Variants in ZFHX3 observed in about 807,000 individuals in gnomAD.
ZFHX3 encodes zinc finger homeobox protein 3.
A neutral mutation model predicts 279.1 loss-of-function variants in ZFHX3; 42 were observed. That is an observed-to-expected ratio of 0.15 (90% confidence interval 0.12 to 0.19). ZFHX3 has a LOEUF of 0.19. Ranked by LOEUF, ZFHX3 falls within the 10% of genes least tolerant of loss-of-function variation. ZFHX3 has a pLI of 1.00. For synonymous variants in ZFHX3, 2,293 were observed against 1,957.8 expected (o/e 1.17, Z -4.52); for missense variants, 4,981 against 4,754.0 (o/e 1.05, Z -1.40).
intron 4 of ZFHX3, among the ~76,000 whole-genome samples, chr16:73,295,237 T>C (rs909460760): frequency 8.6e-5 from 13 of 151,820 alleles, no homozygotes; most frequent in Admixed American, 7.9e-4. Flanking sequence ...CAAACAAACA[T>C]CCACAGCCAC....
At chr16:73,842,962 T>C (rs1961351241) in intron 1 of ZFHX3, among the ~76,000 whole-genome samples, 1 of 152,226 alleles carries the variant, frequency 6.6e-6, no homozygotes, top group African/African-American at 2.4e-5. Context: ...CACTTTACGA[T>C]TTGTGAATCC....
chr16:73,298,310 G>T (rs1367819027), intron 4 of ZFHX3, among the ~76,000 whole-genome samples: 2 of 150,536 alleles, frequency 1.3e-5, no homozygotes, highest in East Asian at 3.9e-4. Flanking sequence ...TCAGCCTCCC[G>T]AGTAGCTGGG....
At chr16:73,396,239 G>T (rs1219846018) in intron 3 of ZFHX3, among the ~76,000 whole-genome samples, 1 of 152,214 alleles carries the variant, frequency 6.6e-6, no homozygotes, top group Non-Finnish European at 1.5e-5. Context: ...AGAGGACAGA[G>T]AATTAGGTCA....
At chr16:73,348,223 G>A (rs900273033) in intron 3 of ZFHX3, among the ~76,000 whole-genome samples, 16 of 152,014 alleles carry the variant, frequency 1.1e-4, no homozygotes, top group Admixed American at 8.5e-4. Flanking sequence ...AATTACATCC[G>A]AAGCACTCGG....
chr16:73,094,252 C>A (rs548832239), intron 7 of ZFHX3, among the ~76,000 whole-genome samples: 1 of 152,274 alleles, frequency 6.6e-6, no homozygotes, highest in East Asian at 1.9e-4. Context: ...TGGAAGTTCA[C>A]CCAATTAATT....
At chr16:72,937,422 C>A (rs1477003393) in intron 3 of ZFHX3, among the ~76,000 whole-genome samples, 7 of 152,190 alleles carry the variant, frequency 4.6e-5, no homozygotes, top group Admixed American at 3.3e-4. Flanking sequence ...TAGGACACAG[C>A]CGACAGAGTC....
chr16:73,101,118 G>C (rs1966225772), intron 7 of ZFHX3, among the ~76,000 whole-genome samples: 1 of 151,938 alleles, frequency 6.6e-6, no homozygotes, highest in African/African-American at 2.4e-5. Context: ...CTTCTTCTTG[G>C]ACAATCTGAT....
intron 1 of ZFHX3, among the ~76,000 whole-genome samples, chr16:73,750,175 A>G (rs973864874): frequency 1.3e-5 from 2 of 152,218 alleles, no homozygotes; most frequent in Non-Finnish European, 2.9e-5. Context: ...AGGTTTGGTA[A>G]GTTGCATTTG....
chr16:73,680,168 G>A (rs1439867781), intron 2 of ZFHX3: 1 of 151,994 alleles, frequency 6.6e-6, no homozygotes, highest in East Asian at 1.9e-4. Flanking sequence ...AAATTGGAAC[G>A]CTTCTACATA....
intron 2 of ZFHX3, among the ~76,000 whole-genome samples, chr16:73,485,444 A>G (rs2018957355): frequency 6.6e-6 from 1 of 152,080 alleles, no homozygotes; most frequent in South Asian, 2.1e-4. Flanking sequence ...AAAAAAAAAA[A>G]AAACTTTCTA....
At chr16:72,792,672 G>C (rs990554574) in intron 9 of ZFHX3, among the ~76,000 whole-genome samples, 2 of 152,040 alleles carry the variant, frequency 1.3e-5, no homozygotes, top group African/African-American at 2.4e-5. Flanking sequence ...GGCTGGTCTC[G>C]ATTTCCTGAC....
At chr16:73,634,359 G>A (rs918105314) in intron 2 of ZFHX3, among the ~76,000 whole-genome samples, 7 of 150,378 alleles carry the variant, frequency 4.7e-5, no homozygotes, top group African/African-American at 1.7e-4. Flanking sequence ...ATTTAAGAGA[G>A]GAGTTTAGGG....
At chr16:72,932,296 A>G (rs748076970) in intron 3 of ZFHX3, among the ~76,000 whole-genome samples, 7 of 152,298 alleles carry the variant, frequency 4.6e-5, no homozygotes, top group Middle Eastern at 3.4e-3. Context: ...TGAAGGTAAC[A>G]TCATTTCCTT....
intron 4 of ZFHX3, among the ~76,000 whole-genome samples, chr16:73,314,906 A>G (rs1260903413): frequency 6.6e-6 from 1 of 152,228 alleles, no homozygotes; most frequent in Non-Finnish European, 1.5e-5. Flanking sequence ...TTCTCATTAG[A>G]TAATTTGTGA....
At chr16:72,923,314 G>A (rs1312507825) in intron 3 of ZFHX3, among the ~76,000 whole-genome samples, 2 of 152,024 alleles carry the variant, frequency 1.3e-5, no homozygotes, top group Non-Finnish European at 2.9e-5. Flanking sequence ...GCGGGGTGGT[G>A]CATGCCTATA....
chr16:73,881,492 C>CCCCCCCCCCCCCCCA (rs1461249715), intron 1 of ZFHX3, among the ~76,000 whole-genome samples: 1 of 93,580 alleles, frequency 1.1e-5, no homozygotes, highest in Non-Finnish European at 2.7e-5. Flanking sequence ...CCCCCCCCCC[C>CCCCCCCCCCCCCCCA]ACTCTGCCCA....
At chr16:73,416,122 C>CAAAA (rs1234376040) in intron 3 of ZFHX3, among the ~76,000 whole-genome samples, 4 of 74,826 alleles carry the variant, frequency 5.3e-5, no homozygotes, top group African/African-American at 7.4e-5. Context: ...GACTCCATCT[C>CAAAA]AAAAAAAAAA....
intron 1 of ZFHX3, among the ~76,000 whole-genome samples, chr16:73,820,243 C>A (rs773529786): frequency 4.3e-4 from 65 of 152,146 alleles, no homozygotes; most frequent in Non-Finnish European, 7.5e-4. Flanking sequence ...GCGCCCACCA[C>A]CACACTTGGC....
chr16:73,574,531 C>G (rs76546589), intron 2 of ZFHX3, among the ~76,000 whole-genome samples: 2,221 of 152,228 alleles, frequency 0.015, 69 homozygotes, highest in African/African-American at 0.05. Context: ...TTAAAGAATT[C>G]CCCAGATGAC....
Sources: allele counts gnomAD v4.1 joint callset (sites outside exome capture counted in the v4.1 genomes callset), GRCh38; gene constraint gnomAD v4.1.1; transcripts MANE v1.5; gene names NCBI Gene and HGNC (gene_info 2026-07-23, HGNC 2026-07-21).